Variants in P2RY6 observed in about 807,000 individuals in gnomAD.
The protein encoded by P2RY6 is pyrimidinergic receptor P2Y6, also known as P2Y purinoceptor 6.
P2RY6 carries 19 observed loss-of-function variants against 16.3 expected under a neutral mutation model. The observed-to-expected ratio is 1.16, with a 90% CI of 0.81 to 1.71. The LOEUF is 1.71. P2RY6 is among the 40% of genes most tolerant of loss of function. The pLI is 0.00. For missense variants in P2RY6, 389 were observed against 455.5 expected (o/e 0.85, Z 1.33); for synonymous variants, 184 against 201.5 (o/e 0.91, Z 0.74).
At position 73,273,600 on chromosome 11, in the gene P2RY6, A is replaced by G. The variant is rs569873786; in HGVS notation, c.-121+1134A>G. ...CTGTTTGTCAGTTTATCAGAAAGGGAGGGGGCCATGGTCCAGAAACCTGGA... is the reference window on the plus strand; with the variant it reads ...CTGTTTGTCAGTTTATCAGAAAGGGGGGGGGCCATGGTCCAGAAACCTGGA... On this transcript the variant is annotated intron_variant, in intron 1 of 2. Transcript: ENST00000540124. 9.2e-5 allele frequency among the ~76,000 whole-genome samples: 14 copies of G among 152,164 alleles called. No individual in the cohort carries two copies. The South Asian group carries it at 2.7e-3, about 29-fold the overall frequency.
intron 1 of P2RY6, chr11:73,292,745 C>A (rs1034176182): frequency 2.4e-5 from 23 of 977,154 alleles, no homozygotes; most frequent in Non-Finnish European, 2.8e-5. Context: ...CCGGTGGCCC[C>A]CACAGGGGCT....
chr11:73,294,314 A>C (rs1023480865), intron 1 of P2RY6, among the ~76,000 whole-genome samples: 1 of 152,166 alleles, frequency 6.6e-6, no homozygotes, highest in Admixed American at 6.5e-5. Flanking sequence ...CTGTATCCCC[A>C]TATCTCCATG....
At chr11:73,275,951 G>A (rs1322643565) in intron 1 of P2RY6, among the ~76,000 whole-genome samples, 1 of 152,180 alleles carries the variant, frequency 6.6e-6, no homozygotes, top group African/African-American at 2.4e-5. Flanking sequence ...GGGAAACTGA[G>A]ACTCAGAGAG....
At chr11:73,275,593 T>C (rs925141860) in intron 1 of P2RY6, among the ~76,000 whole-genome samples, 2 of 152,184 alleles carry the variant, frequency 1.3e-5, no homozygotes, top group African/African-American at 4.8e-5. Flanking sequence ...CATGGTGCAG[T>C]CTCATTCCTC....
intron 1 of P2RY6, among the ~76,000 whole-genome samples, chr11:73,290,533 G>A (rs932655870): frequency 2.6e-5 from 4 of 152,212 alleles, no homozygotes; most frequent in African/African-American, 9.6e-5. Context: ...TCCCATCTGA[G>A]GCCCCCTCTT....
At chr11:73,277,358 G>T (rs767359818) in intron 1 of P2RY6, among the ~76,000 whole-genome samples, 4 of 120,426 alleles carry the variant, frequency 3.3e-5, no homozygotes, top group Non-Finnish European at 6.9e-5. Flanking sequence ...AAAGTGCTGG[G>T]ATTACAGGCA....
chr11:73,267,831 G>A (rs768969289), upstream of P2RY6, among the ~76,000 whole-genome samples: 1 of 152,214 alleles, frequency 6.6e-6, no homozygotes, highest in Non-Finnish European at 1.5e-5. Context: ...GGCTGAAGAG[G>A]GTGAGCCAGA....
At chr11:73,277,049 C>T (rs1028734428) in intron 1 of P2RY6, among the ~76,000 whole-genome samples, 1 of 151,980 alleles carries the variant, frequency 6.6e-6, no homozygotes, top group African/African-American at 2.4e-5. Context: ...GGCTTAGGTC[C>T]AGGGCAAGAT....
upstream of P2RY6, among the ~76,000 whole-genome samples, chr11:73,268,935 C>G (rs1863193884): frequency 6.6e-6 from 1 of 152,200 alleles, no homozygotes; most frequent in African/African-American, 2.4e-5. Flanking sequence ...TCATGTGGAT[C>G]GGAACAGCTC....
At chr11:73,288,159 A>C (rs1864042873) in intron 1 of P2RY6, among the ~76,000 whole-genome samples, 1 of 152,236 alleles carries the variant, frequency 6.6e-6, no homozygotes, top group Non-Finnish European at 1.5e-5. Context: ...AGCATTTTGC[A>C]CAATGCTTGG....
intron 1 of P2RY6, among the ~76,000 whole-genome samples, chr11:73,277,457 C>T (rs1347451209): frequency 6.6e-6 from 1 of 152,186 alleles, no homozygotes; most frequent in African/African-American, 2.4e-5. Context: ...GTGGGAAGGG[C>T]CTGTAATTTG....
At chr11:73,292,769 A>G (rs1864310907) in intron 1 of P2RY6, 2 of 984,656 alleles carry the variant, frequency 2.0e-6, no homozygotes, top group Non-Finnish European at 2.4e-6. Context: ...TTAGTCAGAG[A>G]CAGCCCTGCC....
Position 73,278,566 on chromosome 11 carries a change from C to G in P2RY6, c.-121+6100C>G, listed in dbSNP as rs570489966. On this transcript the variant is annotated intron_variant, in intron 1 of 2. Transcript: ENST00000540124. The stretch of plus-strand genomic sequence containing the variant: ...CCCCTGGCAACCCCCACTCTACTTT[C>G]TGTCTCAATGAATTTGACTTTTCTA... Among the ~76,000 whole-genome samples, 7 of 152,314 alleles carry G rather than the reference C, an allele frequency of 4.6e-5. 2 individuals carry two copies. Among genetic ancestry groups the G allele is most frequent in the African/African-American group, 1.7e-4 (7 of 41,574 alleles).
chr11:73,284,036 T>C (rs368095192), intron 1 of P2RY6, among the ~76,000 whole-genome samples: 3 of 152,058 alleles, frequency 2.0e-5, no homozygotes, highest in African/African-American at 7.2e-5. Context: ...AGGCAGCCCC[T>C]CTGAAAGGCT....
intron 1 of P2RY6, among the ~76,000 whole-genome samples, chr11:73,279,085 A>C (rs1863655841): frequency 6.7e-6 from 1 of 149,978 alleles, no homozygotes; most frequent in Non-Finnish European, 1.5e-5. Flanking sequence ...ATGGGTGTGA[A>C]GTGTTATCGC....
chr11:73,277,413 C>A (rs1863582970), intron 1 of P2RY6, among the ~76,000 whole-genome samples: 1 of 152,180 alleles, frequency 6.6e-6, no homozygotes, highest in Non-Finnish European at 1.5e-5. Context: ...TATTTTCTCC[C>A]ACCTGAGATT....
chr11:73,290,303 AAAAGAAAGAAAGAAAGAAAGAAAGAAAG>A (rs563446982), intron 1 of P2RY6, among the ~76,000 whole-genome samples: 39 of 113,112 alleles, frequency 3.4e-4, no homozygotes, highest in South Asian at 5.4e-4. Flanking sequence ...AGAAAGAAAG[AAAAGAAAGAAAGAAAGAAAGAAAGAAAG>A]AAAGAAAGAA....
upstream of P2RY6, among the ~76,000 whole-genome samples, chr11:73,268,435 G>A (rs1435923106): frequency 2.9e-4 from 44 of 152,280 alleles, 2 homozygotes; most frequent in Admixed American, 2.7e-3. Context: ...ACCAGCCTGT[G>A]CAAACTAGAA....
At chr11:73,274,200 G>A (rs1863435405) in intron 1 of P2RY6, among the ~76,000 whole-genome samples, 1 of 152,136 alleles carries the variant, frequency 6.6e-6, no homozygotes, top group Non-Finnish European at 1.5e-5. Flanking sequence ...CAACCAACTA[G>A]CGGCAGTGCT....
Sources: allele counts gnomAD v4.1 joint callset (sites outside exome capture counted in the v4.1 genomes callset), GRCh38; gene constraint gnomAD v4.1.1; transcripts MANE v1.5; gene names NCBI Gene and HGNC (gene_info 2026-07-23, HGNC 2026-07-21).